Variants in TAB2 observed in about 807,000 individuals in gnomAD.
TAB2 encodes TGF-beta-activated kinase 1 and MAP3K7-binding protein 2.
Under a neutral mutation model 65.0 loss-of-function variants are expected in TAB2, and 3 were observed. The observed-to-expected ratio is 0.05, with a 90% CI of 0.02 to 0.12. TAB2 has a LOEUF of 0.12. TAB2 is among the 10% of genes least tolerant of loss of function. The probability of loss-of-function intolerance (pLI) is 1.00; values close to 1 mark genes in which losing one functional copy is unlikely to be tolerated. For synonymous variants in TAB2, 298 were observed against 285.1 expected (o/e 1.05, Z -0.46); for missense variants, 623 against 840.3 (o/e 0.74, Z 3.20).
chr6:149,355,058 G>A (rs1162284319), intron 1 of TAB2, among the ~76,000 whole-genome samples: 1 of 152,188 alleles, frequency 6.6e-6, no homozygotes, highest in African/African-American at 2.4e-5. Flanking sequence ...CCCTCACCAA[G>A]TGATGTGTTA....
At chr6:149,240,677 G>T (rs1319831081) in intron 1 of TAB2, among the ~76,000 whole-genome samples, 1 of 151,964 alleles carries the variant, frequency 6.6e-6, no homozygotes, top group Non-Finnish European at 1.5e-5. Flanking sequence ...TGTCTTTATG[G>T]TAGTATAATT....
rs978731124 is a variant in TAB2 at position 149,360,337 on chromosome 6, C to T, written c.-89-9572C>T. ...GTACAGGAAGTATGTTGCCAAGCAT[C>T]GGCTCACCTTTTGGTGGGGCTTCAG... On this transcript the variant is annotated intron_variant, in intron 1 of 6. Transcript: ENST00000637181. 9.8e-5 allele frequency among the ~76,000 whole-genome samples: 15 copies of T among 152,300 alleles called. No homozygotes were observed. In the East Asian group the frequency reaches 1.7e-3, roughly 18 times the overall value.
chr6:149,305,001 C>T (rs1018245055), intron 1 of TAB2, among the ~76,000 whole-genome samples: 4 of 152,126 alleles, frequency 2.6e-5, no homozygotes, highest in East Asian at 1.9e-4. Context: ...CCAAATACAA[C>T]GTAAATGCTA....
At chr6:149,369,213 A>G (rs1781139586) in intron 1 of TAB2, among the ~76,000 whole-genome samples, 1 of 152,296 alleles carries the variant, frequency 6.6e-6, no homozygotes, top group East Asian at 1.9e-4. Flanking sequence ...CTTAGAAACA[A>G]TAGGAATAAA....
At chr6:149,406,106 G>A (rs561721785) in intron 6 of TAB2, among the ~76,000 whole-genome samples, 1 of 152,300 alleles carries the variant, frequency 6.6e-6, no homozygotes, top group South Asian at 2.1e-4. Flanking sequence ...CTGGAAGTCA[G>A]CAAACACGTG....
Position 149,378,940 on chromosome 6 carries a change from G to A in TAB2, c.1025G>A (p.Arg342His), listed in dbSNP as rs750390016. ...PPQRNNSSKL[R>H]SSGPRTSSTS... Reference sequence around the variant, plus strand: ...CAAAGAAATAATTCTTCAAAACTGCGTTCTTCTGGACCTCGAACCTCCAGC... The same window carrying A: ...CAAAGAAATAATTCTTCAAAACTGCATTCTTCTGGACCTCGAACCTCCAGC... The change falls in exon 3 of 7, where the codon CGT (arginine) becomes CAT (histidine). Residue 342 changes from arginine (R) to histidine (H), a missense_variant. Coordinates refer to ENST00000637181, the MANE Select transcript of TAB2 (RefSeq NM_001292034.3). 2.9e-5 allele frequency: 47 copies of A among 1,613,944 alleles called. No individual in the cohort carries two copies. Among genetic ancestry groups the A allele is most frequent in the Non-Finnish European group, 3.6e-5 (43 of 1,180,026 alleles).
intron 2 of TAB2, among the ~76,000 whole-genome samples, chr6:149,372,765 A>G (rs1482969792): frequency 6.6e-6 from 1 of 152,196 alleles, no homozygotes; most frequent in Non-Finnish European, 1.5e-5. Flanking sequence ...AGGAATAGGA[A>G]GAGCTCCTTC....
chr6:149,253,860 T>G (rs1777912700), intron 1 of TAB2, among the ~76,000 whole-genome samples: 2 of 149,768 alleles, frequency 1.3e-5, no homozygotes, highest in East Asian at 3.9e-4. Flanking sequence ...AGGCAGAGGT[T>G]GCAGTGAGCC....
At chr6:149,263,741 A>G (rs1751101596) in intron 1 of TAB2, among the ~76,000 whole-genome samples, 1 of 152,198 alleles carries the variant, frequency 6.6e-6, no homozygotes, top group Non-Finnish European at 1.5e-5. Flanking sequence ...CAGGCACACA[A>G]TTTCCCTAAA....
At chr6:149,406,976 C>G (rs1032946820) in intron 6 of TAB2, among the ~76,000 whole-genome samples, 1 of 152,234 alleles carries the variant, frequency 6.6e-6, no homozygotes, top group Non-Finnish European at 1.5e-5. Flanking sequence ...CTCGGCCTCC[C>G]AAAGTGCTGG....
At chr6:149,386,364 A>G (rs1267406730) in intron 3 of TAB2, among the ~76,000 whole-genome samples, 1 of 152,164 alleles carries the variant, frequency 6.6e-6, no homozygotes, top group Non-Finnish European at 1.5e-5. Context: ...ATTCACTGAT[A>G]TGTGCAGCCA....
intron 1 of TAB2, among the ~76,000 whole-genome samples, chr6:149,252,400 CA>C (rs10700931): frequency 0.015 from 1,430 of 92,856 alleles, 31 homozygotes; most frequent in Admixed American, 0.073. Flanking sequence ...AACTCTGCCT[CA>C]AAAAAAAAAA....
At chr6:149,342,071 A>G (rs1372969575) in intron 1 of TAB2, among the ~76,000 whole-genome samples, 2 of 151,558 alleles carry the variant, frequency 1.3e-5, no homozygotes, top group Non-Finnish European at 2.9e-5. Context: ...CATTGAATCT[A>G]TTTTGGTAAT....
chr6:149,259,811 C>T (rs1343413611), intron 1 of TAB2, among the ~76,000 whole-genome samples: 3 of 152,218 alleles, frequency 2.0e-5, no homozygotes, highest in Non-Finnish European at 1.5e-5. Context: ...CCCAAAGCCA[C>T]CCCTTCCACT....
At chr6:149,350,670 A>G (rs1346275851) in intron 1 of TAB2, among the ~76,000 whole-genome samples, 1 of 132,840 alleles carries the variant, frequency 7.5e-6, no homozygotes, top group East Asian at 2.2e-4. Context: ...GCTGGAGTGC[A>G]GTGGCACAAT....
At chr6:149,278,230 A>G (rs985286497) in intron 1 of TAB2, among the ~76,000 whole-genome samples, 1 of 152,228 alleles carries the variant, frequency 6.6e-6, no homozygotes, top group African/African-American at 2.4e-5. Context: ...TGCATAAGAG[A>G]AAAAATATGA....
chr6:149,396,098 A>T (rs997133720), intron 3 of TAB2, among the ~76,000 whole-genome samples: 11 of 151,008 alleles, frequency 7.3e-5, no homozygotes, highest in African/African-American at 2.7e-4. Flanking sequence ...GCTTACTGCA[A>T]CCTCTGCCTC....
At chr6:149,282,107 A>G (rs1441906668) in intron 1 of TAB2, among the ~76,000 whole-genome samples, 1 of 152,090 alleles carries the variant, frequency 6.6e-6, no homozygotes, top group Non-Finnish European at 1.5e-5. Flanking sequence ...TGGTGGTTGC[A>G]GTGAGCCAAG....
chr6:149,269,685 T>C (rs1453456070), intron 1 of TAB2, among the ~76,000 whole-genome samples: 1 of 152,236 alleles, frequency 6.6e-6, no homozygotes, highest in East Asian at 1.9e-4. Context: ...ATCATTCGTT[T>C]CATAAGGTGA....
Sources: gnomAD v4.1 joint callset for allele counts (sites outside exome capture counted in the v4.1 genomes callset) on GRCh38, gnomAD v4.1.1 for gene constraint, MANE v1.5 for transcripts, NCBI Gene and HGNC (gene_info 2026-07-23, HGNC 2026-07-21) for gene names.